ZNF346: variants seen among roughly 807,000 people sequenced by gnomAD.
The protein encoded by ZNF346 is zinc finger protein 346.
Under a neutral mutation model 33.7 loss-of-function variants are expected in ZNF346, and 23 were observed. That is an observed-to-expected ratio of 0.68 (90% CI 0.49 to 0.97). ZNF346 has a LOEUF of 0.97. ZNF346 is among the 50% of genes least tolerant of loss of function. The pLI, the probability that ZNF346 is intolerant of heterozygous loss-of-function variation, is 0.00. For missense variants in ZNF346, 340 were observed against 371.1 expected (o/e 0.92, Z 0.69); for synonymous variants, 134 against 142.4 (o/e 0.94, Z 0.42).
At chr5:177,071,696 AAGAAG>A (rs909833336), downstream of ZNF346, among the ~76,000 whole-genome samples, 10 of 147,606 alleles carry the variant, frequency 6.8e-5, no homozygotes, top group African/African-American at 2.3e-4. Flanking sequence ...AAAAAAAAAA[AAGAAG>A]AAGAAGAAGA....
chr5:177,040,456 T>A (rs929908363), intron 1 of ZNF346, among the ~76,000 whole-genome samples: 1 of 152,114 alleles, frequency 6.6e-6, no homozygotes, highest in Admixed American at 6.6e-5. Flanking sequence ...ACAATTCTCC[T>A]GCCTCAGCCT....
intron 1 of ZNF346, among the ~76,000 whole-genome samples, chr5:177,026,784 G>A (rs1776842435): frequency 6.6e-6 from 1 of 152,166 alleles, no homozygotes; most frequent in Non-Finnish European, 1.5e-5. Context: ...GACAGGGAGT[G>A]GGACTCATAC....
At chr5:177,034,333 C>G (rs1778167679) in intron 1 of ZNF346, among the ~76,000 whole-genome samples, 1 of 152,046 alleles carries the variant, frequency 6.6e-6, no homozygotes, top group Admixed American at 6.6e-5. Flanking sequence ...AAACGATCCT[C>G]CCACCTCAGC....
chr5:177,064,502 T>G lies in ZNF346; in HGVS notation c.798-10T>G. On this transcript the variant is annotated splice_polypyrimidine_tract_variant and intron_variant, in intron 6 of 6. Coordinates refer to ENST00000358149, the MANE Select transcript of ZNF346 (RefSeq NM_012279.4). ...ACTGACCCTCTTCCTTTGTTCCTTC[T>G]CAAATACAGGTCACCAAAAACAGTG... The G allele has an allele frequency of 1.2e-6, 2 of 1,612,876 alleles. No individual in the cohort carries two copies. The highest frequency in any genetic ancestry group is 1.7e-6 in the Non-Finnish European group (2 of 1,178,850).
intron 1 of ZNF346, among the ~76,000 whole-genome samples, chr5:177,037,785 A>G (rs1561981542): frequency 6.6e-6 from 1 of 152,136 alleles, no homozygotes; most frequent in Non-Finnish European, 1.5e-5. Flanking sequence ...TAATCTTTTC[A>G]AGGGCAAACC....
intron 8 of ZNF346, among the ~76,000 whole-genome samples, chr5:177,078,566 G>T (rs1000782390): frequency 2.0e-5 from 3 of 152,202 alleles, no homozygotes; most frequent in Non-Finnish European, 4.4e-5. Context: ...AGGATCCTGC[G>T]AGCCTAACAG....
At chr5:177,048,782 T>C (rs941248177) in intron 4 of ZNF346, among the ~76,000 whole-genome samples, 1 of 145,710 alleles carries the variant, frequency 6.9e-6, no homozygotes, top group African/African-American at 2.8e-5. Context: ...TTTTTCTTTT[T>C]TTTTCTTTTT....
chr5:177,023,232 C>G (rs1167592779), intron 1 of ZNF346: 1 of 1,535,440 alleles, frequency 6.5e-7, no homozygotes, highest in Non-Finnish European at 8.7e-7. Flanking sequence ...CTTTGCCATC[C>G]CGGTAAGCCA....
intron 1 of ZNF346, among the ~76,000 whole-genome samples, chr5:177,028,795 C>G (rs1482321732): frequency 7.2e-6 from 1 of 137,962 alleles, no homozygotes; most frequent in Admixed American, 7.7e-5. Context: ...TCTCGGCTCA[C>G]TGCAAGCTCC....
chr5:177,024,828 A>G (rs971354483), intron 1 of ZNF346, among the ~76,000 whole-genome samples: 31 of 152,244 alleles, frequency 2.0e-4, no homozygotes, highest in Non-Finnish European at 4.6e-4. Context: ...CTATGTGTAT[A>G]TGAGTGTATA....
At chr5:177,074,646 T>C (rs1318099155) in intron 8 of ZNF346, among the ~76,000 whole-genome samples, 1 of 152,190 alleles carries the variant, frequency 6.6e-6, no homozygotes, top group Non-Finnish European at 1.5e-5. Context: ...GTACATTCAC[T>C]ATTTTGTGTA....
chr5:177,070,215 G>A (rs1289056709), downstream of ZNF346, among the ~76,000 whole-genome samples: 1 of 152,162 alleles, frequency 6.6e-6, no homozygotes, highest in African/African-American at 2.4e-5. Context: ...TTAGCACTTG[G>A]TGTTGTCAGT....
intron 2 of ZNF346, 60 bp downstream of exon 2, chr5:177,041,289 T>C (rs1166829275): frequency 7.3e-7 from 1 of 1,375,486 alleles, no homozygotes; most frequent in Non-Finnish European, 1.0e-6. Flanking sequence ...AACCACTAAT[T>C]CTCTCTGGCT....
intron 5 of ZNF346, among the ~76,000 whole-genome samples, chr5:177,058,631 A>G (rs1241837656): frequency 6.6e-6 from 1 of 152,200 alleles, no homozygotes; most frequent in Admixed American, 6.5e-5. Flanking sequence ...CCCACAGTGA[A>G]TGGTTCAAGC....
chr5:177,075,896 A>G (rs2149720956), intron 8 of ZNF346, among the ~76,000 whole-genome samples: 1 of 152,304 alleles, frequency 6.6e-6, no homozygotes, highest in East Asian at 1.9e-4. Flanking sequence ...CAGGTTGACC[A>G]GGCTGATCTC....
chr5:177,032,305 TTTTTTG>T lies in ZNF346; in HGVS notation c.176-8803_176-8798del, dbSNP rs200660562. ...AGGCGTGAGCCACTGCACCCAGCCTTTTTTTGTTTTTGTTTTTGTTTTTAGACAGAG... is the reference window on the plus strand; with the variant it reads ...AGGCGTGAGCCACTGCACCCAGCCTTTTTTTGTTTTTGTTTTTAGACAGAG... On this transcript the variant is annotated intron_variant, in intron 1 of 6. Coordinates refer to ENST00000358149, the MANE Select transcript of ZNF346 (RefSeq NM_012279.4). Among the ~76,000 whole-genome samples, 658 of 151,594 alleles carry T rather than the reference TTTTTTG, an allele frequency of 4.3e-3. 4 individuals carry two copies. Among genetic ancestry groups the T allele is most frequent in the African/African-American group, 0.015 (613 of 41,380 alleles).
At chr5:177,072,695 A>G (rs1450631205), downstream of ZNF346, among the ~76,000 whole-genome samples, 1 of 152,106 alleles carries the variant, frequency 6.6e-6, no homozygotes, top group Non-Finnish European at 1.5e-5. Context: ...CTAAAAATAC[A>G]AAAATTAGTC....
In ZNF346 at chr5:177,053,164, A is replaced by T. The variant is rs551535035; in HGVS notation, c.703+2228A>T. 3.0e-4 allele frequency among the ~76,000 whole-genome samples: 46 copies of T among 152,152 alleles called. 1 individual carries two copies. The highest frequency in any genetic ancestry group is 1.1e-3 in the African/African-American group (45 of 41,506). The stretch of plus-strand genomic sequence containing the variant: ...AACCCAGTCTCTACTGAAAATAGAA[A>T]AATTAGCTGGACGTGGTGACACACG... On this transcript the variant is annotated intron_variant, in intron 5 of 6. Transcript: ENST00000358149.
At chr5:177,048,836 A>G (rs1232929000) in intron 4 of ZNF346, among the ~76,000 whole-genome samples, 1 of 138,590 alleles carries the variant, frequency 7.2e-6, no homozygotes, top group African/African-American at 2.8e-5. Context: ...CTCAGAGTGG[A>G]GTGCAATGGC....
Sources: allele counts gnomAD v4.1 joint callset (sites outside exome capture counted in the v4.1 genomes callset), GRCh38; gene constraint gnomAD v4.1.1; transcripts MANE v1.5; gene names NCBI Gene and HGNC (gene_info 2026-07-23, HGNC 2026-07-21).